Variants in GLI3 observed in about 807,000 individuals in gnomAD.
The protein encoded by GLI3 is transcription activator GLI3.
In GLI3, 20 loss-of-function variants were observed where a neutral mutation model predicts 100.8. That is an observed-to-expected ratio of 0.20 (90% CI 0.14 to 0.29). GLI3 has a LOEUF of 0.29. GLI3 is among the 10% of genes least tolerant of loss of function. The pLI is 1.00. For missense variants in GLI3, 2,040 were observed against 2,128.5 expected (o/e 0.96, Z 0.82); for synonymous variants, 938 against 860.5 (o/e 1.09, Z -1.58).
intron 6 of GLI3, among the ~76,000 whole-genome samples, chr7:42,041,088 C>G (rs564518118): frequency 6.6e-6 from 1 of 152,276 alleles, no homozygotes; most frequent in African/African-American, 2.4e-5. Flanking sequence ...ACAGATTTTC[C>G]AAGGCAGAGG....
At chr7:42,149,064 G>A (rs538797444) in intron 2 of GLI3, among the ~76,000 whole-genome samples, 96 of 152,282 alleles carry the variant, frequency 6.3e-4, no homozygotes, top group Non-Finnish European at 1.2e-3. Flanking sequence ...GCCAAAAATG[G>A]AACAGAAAAC....
chr7:42,181,211 C>A (rs1435798013), intron 2 of GLI3, among the ~76,000 whole-genome samples: 2 of 152,278 alleles, frequency 1.3e-5, no homozygotes, highest in East Asian at 3.9e-4. Context: ...AATATCAGAA[C>A]TTCTCACCTA....
intron 7 of GLI3, among the ~76,000 whole-genome samples, chr7:42,034,160 T>A (rs887178262): frequency 1.3e-5 from 2 of 152,172 alleles, no homozygotes; most frequent in African/African-American, 4.8e-5. Context: ...GCATAATCCG[T>A]TTCTTCAAAA....
At chr7:42,222,081 A>G (rs1370079557) in intron 2 of GLI3, among the ~76,000 whole-genome samples, 4 of 152,146 alleles carry the variant, frequency 2.6e-5, no homozygotes, top group African/African-American at 9.7e-5. Flanking sequence ...ACATGGAGGG[A>G]CCCAGAGAGA....
At position 41,965,486 on chromosome 7, in the gene GLI3, C is replaced by T. The variant is rs750219400; in HGVS notation, c.3587G>A (p.Gly1196Asp). ...GGGGTTCTGCGGGTGGACGACCATGCCGTTGCAGAACCCAAAGGCGCGAGT... is the reference window on the plus strand; with the variant it reads ...GGGGTTCTGCGGGTGGACGACCATGTCGTTGCAGAACCCAAAGGCGCGAGT... ...PQTRAFGFCN[G>D]MVVHPQNPLR... Residue 1196 changes from glycine (G) to aspartate (D), a missense_variant, in exon 15 of 15, where the codon GGC (glycine) becomes GAC (aspartate). Around this residue, in one of 5 missense-constraint regions of GLI3, gnomAD observed 1,041 missense variants for 924.0 expected, o/e 1.13. Transcript: ENST00000395925. 5 of 1,609,130 alleles carry T rather than the reference C, an allele frequency of 3.1e-6. No homozygotes were observed. Among genetic ancestry groups the T allele is most frequent in the South Asian group, 2.2e-5 (2 of 91,018 alleles).
intron 2 of GLI3, among the ~76,000 whole-genome samples, chr7:42,213,683 A>C (rs1057254355): frequency 6.6e-6 from 1 of 152,244 alleles, no homozygotes; most frequent in Admixed American, 6.5e-5. Flanking sequence ...AGGATCCAGA[A>C]GCTGTTATCA....
chr7:41,987,844 A>G (rs1235635491), intron 10 of GLI3, among the ~76,000 whole-genome samples: 1 of 152,196 alleles, frequency 6.6e-6, no homozygotes, highest in Non-Finnish European at 1.5e-5. Context: ...CTAGGTATAA[A>G]TGTAAAATTT....
chr7:42,094,733 CAA>C (rs57330922), intron 3 of GLI3, among the ~76,000 whole-genome samples: 31 of 145,006 alleles, frequency 2.1e-4, no homozygotes, highest in African/African-American at 7.1e-4. Flanking sequence ...GACTCTGTGT[CAA>C]AAAAAAAAAA....
intron 12 of GLI3, among the ~76,000 whole-genome samples, chr7:41,974,318 C>G (rs143567737): frequency 1.2e-4 from 18 of 152,266 alleles, no homozygotes; most frequent in African/African-American, 4.1e-4. Flanking sequence ...TATCTACCCA[C>G]AAAAATTCAC....
intron 10 of GLI3, among the ~76,000 whole-genome samples, chr7:41,992,008 AG>A (rs1417394047): frequency 6.6e-6 from 1 of 152,178 alleles, no homozygotes; most frequent in Non-Finnish European, 1.5e-5. Context: ...AAAAATTATA[AG>A]GGGAGTTGAG....
chr7:42,122,778 G>A lies in GLI3; in HGVS notation c.367+25448C>T, dbSNP rs573324982. Among the ~76,000 whole-genome samples, 22 of 152,312 alleles carry A rather than the reference G, an allele frequency of 1.4e-4. No homozygotes were observed. In the South Asian group the frequency reaches 4.6e-3, roughly 32 times the overall value. On this transcript the variant is annotated intron_variant, in intron 3 of 14. Transcript: ENST00000395925. ...AACTGAATAAGGAAAACCAGCTGTA[G>A]TAATCCCCTCTGTACCAAATGCTGA...
At chr7:42,124,090 T>C (rs1224118435) in intron 3 of GLI3, among the ~76,000 whole-genome samples, 1 of 152,184 alleles carries the variant, frequency 6.6e-6, no homozygotes, top group East Asian at 1.9e-4. Flanking sequence ...TTCCATTATT[T>C]ACTCACTCAT....
chr7:42,134,100 A>G (rs1216957085), intron 3 of GLI3, among the ~76,000 whole-genome samples: 1 of 151,942 alleles, frequency 6.6e-6, no homozygotes. Context: ...AAAAAAGAAA[A>G]AAAAATCCTA....
At chr7:42,236,943 G>C (rs1261656082) in intron 1 of GLI3, 28 bp downstream of exon 1, 2 of 152,106 alleles carry the variant, frequency 1.3e-5, no homozygotes, top group African/African-American at 4.8e-5. Flanking sequence ...CGGGGTCCGC[G>C]AAACAAAGAA....
At chr7:42,100,478 G>A (rs1785436168) in intron 3 of GLI3, among the ~76,000 whole-genome samples, 1 of 152,016 alleles carries the variant, frequency 6.6e-6, no homozygotes, top group Admixed American at 6.5e-5. Context: ...GCTCACACCA[G>A]TAATCCCAGC....
In GLI3 at chr7:41,965,476, G is replaced by C. The variant is rs764106412; in HGVS notation, c.3597C>G (p.Val1199=). The change falls in exon 15 of 15, where the codon GTC becomes GTG. Residue 1199 remains valine (V), a synonymous_variant. Transcript: ENST00000395925. The part of the protein sequence containing the change: ...RAFGFCNGMV[V]HPQNPLRSGP... Reference sequence around the variant, plus strand: ...CGCTCCTCAAGGGGTTCTGCGGGTGGACGACCATGCCGTTGCAGAACCCAA... The same window carrying C: ...CGCTCCTCAAGGGGTTCTGCGGGTGCACGACCATGCCGTTGCAGAACCCAA... 2 of 1,609,374 alleles carry C rather than the reference G, an allele frequency of 1.2e-6. No homozygotes were observed. The highest frequency in any genetic ancestry group is 1.7e-6 in the Non-Finnish European group (2 of 1,177,432).
intron 10 of GLI3, among the ~76,000 whole-genome samples, chr7:42,008,233 G>C (rs1788512576): frequency 6.6e-6 from 1 of 152,090 alleles, no homozygotes; most frequent in African/African-American, 2.4e-5. Flanking sequence ...ATTTTGGACG[G>C]GTCTCAGAGG....
intron 1 of GLI3, among the ~76,000 whole-genome samples, chr7:42,225,874 T>C (rs1008931737): frequency 6.6e-6 from 1 of 152,188 alleles, no homozygotes; most frequent in African/African-American, 2.4e-5. Context: ...CCAGGCTGTA[T>C]GCTCCATGAG....
intron 3 of GLI3, among the ~76,000 whole-genome samples, chr7:42,126,521 C>A (rs970198606): frequency 2.0e-5 from 3 of 152,220 alleles, no homozygotes; most frequent in Non-Finnish European, 2.9e-5. Context: ...TGATCAAGAC[C>A]TAGAGAAAGT....
Sources: allele counts gnomAD v4.1 joint callset (sites outside exome capture counted in the v4.1 genomes callset), GRCh38; gene constraint gnomAD v4.1.1; regional missense constraint gnomAD v4.1.1; transcripts MANE v1.5; gene names NCBI Gene and HGNC (gene_info 2026-07-23, HGNC 2026-07-21).